The following ANKRD45 variants were observed in gnomAD, a reference collection of about 807,000 sequenced individuals.
ANKRD45 encodes the protein ankyrin repeat domain-containing protein 45.
Under a neutral mutation model 28.1 loss-of-function variants are expected in ANKRD45, and 21 were observed. The ratio of observed to expected loss-of-function variants is 0.75; its 90% confidence interval spans 0.53 to 1.08. ANKRD45 has a LOEUF of 1.08. Ranked by LOEUF, ANKRD45 falls within the 50% of genes least tolerant of loss-of-function variation. The pLI is 0.00. For synonymous variants in ANKRD45, 86 were observed against 103.9 expected (o/e 0.83, Z 1.05); for missense variants, 261 against 308.7 (o/e 0.85, Z 1.16).
At chr1:173,671,576 T>G (rs760513709), upstream of ANKRD45, among the ~76,000 whole-genome samples, 3 of 151,828 alleles carry the variant, frequency 2.0e-5, no homozygotes, top group African/African-American at 7.3e-5. Flanking sequence ...TATGCCACCA[T>G]ATAAAACCCT....
intron 2 of ANKRD45, 140 bp downstream of exon 2, chr1:173,658,947 CACAT>C: frequency 8.8e-7 from 1 of 1,142,652 alleles, no homozygotes; most frequent in South Asian, 1.9e-5. Flanking sequence ...TACATGTATA[CACAT>C]ACATACACCC....
chr1:173,688,518 T>TC, the ANKRD45 span, among the ~76,000 whole-genome samples: 212 of 84,972 alleles, frequency 2.5e-3, 2 homozygotes, highest in African/African-American at 0.011. Context: ...CTCTTCCTCT[T>TC]TGCCTCTTCC....
At chr1:173,666,440 C>T (rs1670020768) in intron 1 of ANKRD45, among the ~76,000 whole-genome samples, 1 of 152,138 alleles carries the variant, frequency 6.6e-6, no homozygotes, top group Non-Finnish European at 1.5e-5. Flanking sequence ...ATACCAAAAT[C>T]CATGGATGTT....
chr1:173,673,935 A>G (rs1220556666), upstream of ANKRD45, among the ~76,000 whole-genome samples: 5 of 152,350 alleles, frequency 3.3e-5, no homozygotes, highest in African/African-American at 4.8e-5. Context: ...AGAATGAAAT[A>G]GTGAACACCC....
At chr1:173,663,533 A>C (rs978887425) in intron 1 of ANKRD45, among the ~76,000 whole-genome samples, 1 of 152,154 alleles carries the variant, frequency 6.6e-6, no homozygotes, top group Non-Finnish European at 1.5e-5. Context: ...TCTTTTAACA[A>C]GGCTTTTTTC....
At chr1:173,700,206 T>C in the ANKRD45 span, among the ~76,000 whole-genome samples, 1 of 152,190 alleles carries the variant, frequency 6.6e-6, no homozygotes, top group Non-Finnish European at 1.5e-5. Flanking sequence ...TCCATGCTCA[T>C]GGGTAGGAAG....
At chr1:173,615,960 A>T (rs1245418849) in intron 5 of ANKRD45, among the ~76,000 whole-genome samples, 1 of 151,952 alleles carries the variant, frequency 6.6e-6, no homozygotes, top group African/African-American at 2.4e-5. Flanking sequence ...AAAATTAGCC[A>T]AGCATGGTGG....
intron 1 of ANKRD45, among the ~76,000 whole-genome samples, chr1:173,662,288 A>C (rs1021607548): frequency 6.6e-6 from 1 of 152,234 alleles, no homozygotes; most frequent in Non-Finnish European, 1.5e-5. Flanking sequence ...GGTGAAGTAA[A>C]GAAAATAAAT....
intron 3 of ANKRD45, among the ~76,000 whole-genome samples, chr1:173,646,243 C>A (rs1346749813): frequency 6.6e-6 from 1 of 152,052 alleles, no homozygotes; most frequent in East Asian, 1.9e-4. Context: ...TGAAGTATAA[C>A]TTACAAACAG....
At chr1:173,681,620 G>T in the ANKRD45 span, among the ~76,000 whole-genome samples, 2 of 152,028 alleles carry the variant, frequency 1.3e-5, no homozygotes, top group Non-Finnish European at 2.9e-5. Flanking sequence ...TTGATAACCT[G>T]TTTCACAATC....
At chr1:173,635,746 T>C in intron 3 of ANKRD45, 1 of 1,535,400 alleles carries the variant, frequency 6.5e-7, no homozygotes, top group South Asian at 1.2e-5. Context: ...TTCAGGGTTG[T>C]TTATATCTCA....
At chr1:173,684,304 C>A in the ANKRD45 span, among the ~76,000 whole-genome samples, 1 of 152,180 alleles carries the variant, frequency 6.6e-6, no homozygotes, top group Non-Finnish European at 1.5e-5. Flanking sequence ...TACCTAACAA[C>A]CCCTCCCCTT....
At chr1:173,682,890 T>C in the ANKRD45 span, among the ~76,000 whole-genome samples, 1 of 152,200 alleles carries the variant, frequency 6.6e-6, no homozygotes, top group Non-Finnish European at 1.5e-5. Flanking sequence ...GGTAGGCTTG[T>C]TATGTAAATA....
rs577172956 is a variant in ANKRD45, at chr1:173,642,846, A to G, written c.496+4000T>C. ...AGAATGTGAGGTCCTATTCCAGCCA[A>G]TGGAAACCGGACACAGCAGCAGGGT... On this transcript the variant is annotated intron_variant, in intron 3 of 5. Coordinates refer to ENST00000333279, the MANE Select transcript of ANKRD45 (RefSeq NM_198493.3). Among the ~76,000 whole-genome samples the G allele has an allele frequency of 7.1e-4, 108 of 152,300 alleles. No homozygotes were observed. In the South Asian group the frequency reaches 0.018, roughly 25 times the overall value.
chr1:173,643,491 C>G (rs1668793218), intron 3 of ANKRD45, among the ~76,000 whole-genome samples: 1 of 151,982 alleles, frequency 6.6e-6, no homozygotes, highest in East Asian at 1.9e-4. Flanking sequence ...AATTTTATAA[C>G]CACAGGAAGA....
intron 5 of ANKRD45, among the ~76,000 whole-genome samples, chr1:173,611,382 T>TGCTC (rs1667141966): frequency 1.3e-5 from 2 of 152,194 alleles, no homozygotes; most frequent in South Asian, 4.1e-4. Context: ...GCTATGTGTG[T>TGCTC]GCTCAACAGA....
chr1:173,611,908 T>A (rs553044753), intron 5 of ANKRD45, among the ~76,000 whole-genome samples: 1 of 152,090 alleles, frequency 6.6e-6, no homozygotes, highest in Non-Finnish European at 1.5e-5. Flanking sequence ...CAAGAATACA[T>A]AAAGAGCTCA....
the ANKRD45 span, among the ~76,000 whole-genome samples, chr1:173,706,319 A>AAT: frequency 6.7e-6 from 1 of 149,566 alleles, no homozygotes; most frequent in African/African-American, 2.5e-5. Flanking sequence ...AAAAAAAAAA[A>AAT]GATCCTCCTT....
chr1:173,669,045 A>G (rs1413227095), intron 1 of ANKRD45, among the ~76,000 whole-genome samples: 1 of 152,244 alleles, frequency 6.6e-6, no homozygotes, highest in Non-Finnish European at 1.5e-5. Flanking sequence ...CCCACAATAG[A>G]AAATCACATA....
Sources: allele counts gnomAD v4.1 joint callset (sites outside exome capture counted in the v4.1 genomes callset), GRCh38; gene constraint gnomAD v4.1.1; transcripts MANE v1.5; gene names NCBI Gene and HGNC (gene_info 2026-07-23, HGNC 2026-07-21).